Variants in DIAPH2 observed in about 807,000 individuals in gnomAD.
DIAPH2 encodes the protein diaphanous related formin 2, also known as protein diaphanous homolog 2.
A neutral mutation model predicts 92.7 loss-of-function variants in DIAPH2; 35 were observed. The observed-to-expected ratio is 0.38, with a 90% CI of 0.29 to 0.50. The LOEUF (loss-of-function observed/expected upper bound fraction) is 0.50. DIAPH2 is among the 20% of genes least tolerant of loss of function. The pLI, the probability that DIAPH2 is intolerant of heterozygous loss-of-function variation, is 0.94. For synonymous variants in DIAPH2, 301 were observed against 280.4 expected, an observed-to-expected ratio of 1.07 and a Z score of -0.73; for missense variants, 701 against 819.5, an observed-to-expected ratio of 0.86 and a Z score of 1.77.
intron 20 of DIAPH2, among the ~76,000 whole-genome samples, chrX:97,110,255 G>A (rs1445434301): frequency 9.0e-6 from 1 of 110,955 alleles, no homozygotes; most frequent in African/African-American, 3.3e-5. Context: ...TGCAGTCTCT[G>A]TATCAATGAC....
At chrX:97,018,284 G>A (rs1439763681) in intron 17 of DIAPH2, among the ~76,000 whole-genome samples, 7 of 112,120 alleles carry the variant, frequency 6.2e-5, no homozygotes, top group African/African-American at 1.6e-4. Flanking sequence ...AAAATTCAGT[G>A]TAAAAGTTTA....
intron 4 of DIAPH2, among the ~76,000 whole-genome samples, chrX:96,840,980 A>G (rs2064933175): frequency 9.0e-6 from 1 of 111,693 alleles, no homozygotes; most frequent in Non-Finnish European, 1.9e-5. Flanking sequence ...ATTATCACAT[A>G]TCATGAATGA....
chrX:97,263,556 G>GTTATTTATTTATTTAT (rs201397413), intron 23 of DIAPH2, among the ~76,000 whole-genome samples: 1 of 98,040 alleles, frequency 1.0e-5, no homozygotes, highest in African/African-American at 3.7e-5. Context: ...TGTTCCAACT[G>GTTATTTATTTATTTAT]TTATTTATTT....
intron 22 of DIAPH2, among the ~76,000 whole-genome samples, chrX:97,240,052 C>G (rs1432378930): frequency 9.0e-6 from 1 of 111,221 alleles, no homozygotes; most frequent in South Asian, 3.8e-4. Flanking sequence ...CATATTAATT[C>G]TTTTCTAATA....
intron 5 of DIAPH2, among the ~76,000 whole-genome samples, chrX:96,904,262 G>A (rs2065418282): frequency 8.9e-6 from 1 of 112,084 alleles, no homozygotes; most frequent in Non-Finnish European, 1.9e-5. Flanking sequence ...TGAAATAAAT[G>A]ATCAGTGACT....
At chrX:97,080,964 C>T (rs1432430613) in intron 19 of DIAPH2, among the ~76,000 whole-genome samples, 3 of 111,506 alleles carry the variant, frequency 2.7e-5, no homozygotes, top group African/African-American at 3.3e-5. Flanking sequence ...GTGCACTTTA[C>T]GAGGGTTGAT....
chrX:96,686,764 G>T (rs759988746), intron 1 of DIAPH2, among the ~76,000 whole-genome samples: 24 of 112,249 alleles, frequency 2.1e-4, no homozygotes, highest in Non-Finnish European at 3.6e-4. Context: ...TTTAAGGCAA[G>T]CAAGTTGACC....
chrX:97,347,481 C>G (rs1469072523), intron 23 of DIAPH2, among the ~76,000 whole-genome samples: 1 of 110,065 alleles, frequency 9.1e-6, no homozygotes, highest in Non-Finnish European at 1.9e-5. Context: ...AGTTTTTTGC[C>G]ACTGTTTTCT....
At chrX:96,939,562 ATATATGTG>A (rs1569431129) in intron 12 of DIAPH2, among the ~76,000 whole-genome samples, 180 bp downstream of exon 12, 1 of 74,886 alleles carries the variant, frequency 1.3e-5, no homozygotes, top group African/African-American at 4.8e-5. Flanking sequence ...ATGTATATAT[ATATATGTG>A]TGTGTGTGTG....
At position 96,905,895 on chromosome X, in the gene DIAPH2, C is replaced by T. The variant is rs185478295; in HGVS notation, c.588-6433C>T. On this transcript the variant is annotated intron_variant, in intron 5 of 26. Coordinates refer to ENST00000324765, the MANE Select transcript of DIAPH2 (RefSeq NM_006729.5). Reference sequence around the variant, plus strand: ...CTGTAATCCCAGCGCTTTGGGAGGCCGAAGCAGGCGGATCATGAGGTCAGG... The same window carrying T: ...CTGTAATCCCAGCGCTTTGGGAGGCTGAAGCAGGCGGATCATGAGGTCAGG... Among the ~76,000 whole-genome samples the T allele has an allele frequency of 1.3e-3, 146 of 112,010 alleles. 1 individual carries two copies. The highest frequency in any genetic ancestry group is 4.5e-3 in the African/African-American group (139 of 30,890).
intron 17 of DIAPH2, among the ~76,000 whole-genome samples, chrX:96,993,573 C>T (rs2066085947): frequency 9.0e-6 from 1 of 111,380 alleles, no homozygotes; most frequent in East Asian, 2.8e-4. Flanking sequence ...CGTGAGAACT[C>T]ACTATCATGA....
chrX:97,274,604 T>C (rs12398458), intron 23 of DIAPH2, among the ~76,000 whole-genome samples: 7,906 of 110,367 alleles, frequency 0.072, 361 homozygotes, highest in African/African-American at 0.17. Context: ...TATTTTTTAC[T>C]GTCATTTTTC....
intron 9 of DIAPH2, 132 bp from the exon 10 acceptor site, chrX:96,930,601 A>T (rs1054175905): frequency 1.1e-4 from 48 of 435,589 alleles, no homozygotes; most frequent in Non-Finnish European, 1.9e-4. Context: ...CATAATCATT[A>T]TACTTCTAGA....
At chrX:96,705,862 T>G (rs2063882752) in intron 1 of DIAPH2, among the ~76,000 whole-genome samples, 1 of 111,653 alleles carries the variant, frequency 9.0e-6, no homozygotes, top group African/African-American at 3.3e-5. Context: ...CAGAATCCTT[T>G]GAGTGCAGGC....
chrX:97,198,797 C>G (rs764549354), intron 22 of DIAPH2, among the ~76,000 whole-genome samples: 1 of 111,188 alleles, frequency 9.0e-6, no homozygotes, highest in Non-Finnish European at 1.9e-5. Context: ...CTTCTGTTAT[C>G]GTAAAGTCAC....
At chrX:97,249,073 T>G (rs2068165564) in intron 23 of DIAPH2, among the ~76,000 whole-genome samples, 1 of 110,788 alleles carries the variant, frequency 9.0e-6, no homozygotes, top group Admixed American at 9.7e-5. Context: ...ATTTTTTTTT[T>G]TTTTCAAATA....
chrX:97,400,280 T>C (rs2069743145), intron 25 of DIAPH2, among the ~76,000 whole-genome samples: 1 of 112,406 alleles, frequency 8.9e-6, no homozygotes, highest in South Asian at 3.7e-4. Flanking sequence ...AACATGAGTA[T>C]TTGTATGTGT....
intron 3 of DIAPH2, among the ~76,000 whole-genome samples, chrX:96,755,729 T>A (rs868253070): frequency 1.9e-5 from 2 of 107,692 alleles, no homozygotes; most frequent in African/African-American, 3.4e-5. Context: ...AAAAAAAAAA[T>A]AGAATGCTCA....
intron 17 of DIAPH2, among the ~76,000 whole-genome samples, chrX:96,998,203 A>G (rs1321343247): frequency 8.9e-6 from 1 of 112,007 alleles, no homozygotes; most frequent in Non-Finnish European, 1.9e-5. Context: ...TTGTACCTCA[A>G]TAAAAATAGT....
Sources: allele counts gnomAD v4.1 joint callset (sites outside exome capture counted in the v4.1 genomes callset), GRCh38; gene constraint gnomAD v4.1.1; transcripts MANE v1.5; gene names NCBI Gene and HGNC (gene_info 2026-07-23, HGNC 2026-07-21).